JARID2: variants seen among roughly 807,000 people sequenced by gnomAD.
JARID2 encodes the protein jumonji and AT-rich interaction domain containing 2, also known as protein Jumonji.
In JARID2, 21 loss-of-function variants were observed where a neutral mutation model predicts 125.6. That is an observed-to-expected ratio of 0.17 (90% CI 0.12 to 0.24). The LOEUF is 0.24. Ranked by LOEUF, JARID2 falls within the 10% of genes least tolerant of loss-of-function variation. JARID2 has a pLI of 1.00. For synonymous variants in JARID2, 736 were observed against 661.6 expected, an observed-to-expected ratio of 1.11 and a Z score of -1.73; for missense variants, 1,303 against 1,639.6, an observed-to-expected ratio of 0.79 and a Z score of 3.55.
At chr6:15,250,857 T>A (rs1759419603) in intron 1 of JARID2, among the ~76,000 whole-genome samples, 3 of 152,106 alleles carry the variant, frequency 2.0e-5, no homozygotes, top group East Asian at 3.8e-4. Flanking sequence ...TGTTAAACTT[T>A]CCTCCTTCAG....
chr6:15,510,209 C>T (rs766026859), intron 12 of JARID2, among the ~76,000 whole-genome samples: 1 of 152,128 alleles, frequency 6.6e-6, no homozygotes, highest in Non-Finnish European at 1.5e-5. Flanking sequence ...ACTGGCTTAG[C>T]ATCCTGAAGA....
At chr6:15,393,968 G>A (rs1164891157) in intron 2 of JARID2, among the ~76,000 whole-genome samples, 6 of 151,896 alleles carry the variant, frequency 4.0e-5, no homozygotes, top group East Asian at 1.9e-4. Context: ...AGAAAACATC[G>A]TATGTCTAGA....
chr6:15,361,075 C>T (rs947599302), intron 1 of JARID2, among the ~76,000 whole-genome samples: 1 of 152,184 alleles, frequency 6.6e-6, no homozygotes, highest in South Asian at 2.1e-4. Flanking sequence ...TAACAGGTAA[C>T]AGCACATTGA....
chr6:15,502,326 G>T (rs1416821400), intron 8 of JARID2, among the ~76,000 whole-genome samples: 1 of 152,246 alleles, frequency 6.6e-6, no homozygotes, highest in Non-Finnish European at 1.5e-5. Context: ...GGGCCCAGCT[G>T]GCCGAGCTCA....
At chr6:15,495,768 G>C (rs1241448173) in intron 6 of JARID2, among the ~76,000 whole-genome samples, 1 of 152,152 alleles carries the variant, frequency 6.6e-6, no homozygotes. Flanking sequence ...AGAAGCTCAG[G>C]ACAGGTGATT....
chr6:15,396,541 C>T (rs1467740051), intron 2 of JARID2, among the ~76,000 whole-genome samples: 3 of 151,918 alleles, frequency 2.0e-5, no homozygotes, highest in African/African-American at 2.4e-5. Flanking sequence ...ATTTCAATAC[C>T]CTCCGTGTAT....
chr6:15,367,117 A>G (rs763247279), intron 1 of JARID2, among the ~76,000 whole-genome samples: 29 of 152,188 alleles, frequency 1.9e-4, no homozygotes, highest in Non-Finnish European at 4.0e-4. Context: ...TGATTTGGGT[A>G]ATAAATGACT....
intron 3 of JARID2, among the ~76,000 whole-genome samples, chr6:15,451,656 A>G (rs1243890577): frequency 6.6e-6 from 1 of 152,194 alleles, no homozygotes. Flanking sequence ...CTGTCAGTGG[A>G]AATAAATGAA....
chr6:15,309,713 G>T (rs1327664249), intron 1 of JARID2, among the ~76,000 whole-genome samples: 1 of 151,934 alleles, frequency 6.6e-6, no homozygotes, highest in African/African-American at 2.4e-5. Flanking sequence ...TTTGACAAAT[G>T]AAGTGGTGGT....
intron 1 of JARID2, among the ~76,000 whole-genome samples, chr6:15,294,652 T>C (rs1456217404): frequency 6.6e-6 from 1 of 152,170 alleles, no homozygotes; most frequent in African/African-American, 2.4e-5. Flanking sequence ...GGGAGGTTGA[T>C]GCAGGACATG....
intron 3 of JARID2, among the ~76,000 whole-genome samples, chr6:15,417,105 C>T (rs1456857313): frequency 1.3e-5 from 2 of 151,906 alleles, no homozygotes; most frequent in East Asian, 1.9e-4. Context: ...TCTGAGTTGG[C>T]GACTAAAATA....
At chr6:15,465,992 C>T (rs935167547) in intron 4 of JARID2, among the ~76,000 whole-genome samples, 6 of 152,088 alleles carry the variant, frequency 3.9e-5, no homozygotes, top group Admixed American at 6.5e-5. Context: ...TTAGTAGAGA[C>T]GGGGTTTCAC....
At chr6:15,399,430 AT>A (rs1240505840) in intron 2 of JARID2, among the ~76,000 whole-genome samples, 2 of 152,096 alleles carry the variant, frequency 1.3e-5, no homozygotes, top group Non-Finnish European at 2.9e-5. Context: ...TATAATTATG[AT>A]TTTAAAGTGG....
chr6:15,507,482 G>C, intron 11 of JARID2, 66 bp downstream of exon 11: 1 of 1,402,864 alleles, frequency 7.1e-7, no homozygotes. Flanking sequence ...CTGAGAACCA[G>C]GGCTGGGAAA....
At chr6:15,515,431 A>G (rs1238510072) in intron 16 of JARID2, among the ~76,000 whole-genome samples, 1 of 152,126 alleles carries the variant, frequency 6.6e-6, no homozygotes, top group African/African-American at 2.4e-5. Flanking sequence ...CTCATTTTCA[A>G]GCCATCCTTC....
At chr6:15,272,667 T>C (rs1760343348) in intron 1 of JARID2, among the ~76,000 whole-genome samples, 2 of 152,190 alleles carry the variant, frequency 1.3e-5, no homozygotes, top group Admixed American at 6.5e-5. Flanking sequence ...CTTTGGAGCC[T>C]GTGTTTGATT....
chr6:15,493,899 A>C (rs1770277216), intron 6 of JARID2, among the ~76,000 whole-genome samples: 1 of 151,752 alleles, frequency 6.6e-6, no homozygotes, highest in African/African-American at 2.4e-5. Context: ...ATCTGTTTTA[A>C]ATTTATCATT....
At chr6:15,328,537 C>A (rs1163392302) in intron 1 of JARID2, among the ~76,000 whole-genome samples, 1 of 152,116 alleles carries the variant, frequency 6.6e-6, no homozygotes, top group Non-Finnish European at 1.5e-5. Context: ...GTGCTTAGAA[C>A]ATTGCTAAAT....
intron 5 of JARID2, among the ~76,000 whole-genome samples, chr6:15,484,619 C>G (rs1769778703): frequency 6.6e-6 from 1 of 152,176 alleles, no homozygotes; most frequent in Non-Finnish European, 1.5e-5. Context: ...TCTGCTATTC[C>G]CCAGTCTATA....
Sources: gnomAD v4.1 joint callset for allele counts (sites outside exome capture counted in the v4.1 genomes callset) on GRCh38, gnomAD v4.1.1 for gene constraint, MANE v1.5 for transcripts, NCBI Gene and HGNC (gene_info 2026-07-23, HGNC 2026-07-21) for gene names.